The following DMRTB1 variants were observed in gnomAD, a reference collection of about 807,000 sequenced individuals.
DMRTB1 encodes the protein DMRT like family B with proline rich C-terminal 1.
A neutral mutation model predicts 25.2 loss-of-function variants in DMRTB1; 9 were observed. The observed-to-expected ratio is 0.36, with a 90% CI of 0.22 to 0.62. The LOEUF is 0.62. DMRTB1 is among the 20% of genes least tolerant of loss of function. DMRTB1 has a pLI of 0.71. For missense variants in DMRTB1, 551 were observed against 499.3 expected (o/e 1.10, Z -0.99); for synonymous variants, 269 against 238.1 (o/e 1.13, Z -1.20).
rs1644039641 is a variant in DMRTB1 at position 53,464,547 on chromosome 1, C to T, written c.751-90C>T. ...GGCCGTGCATCTACCCCATCAGGAGCCCCCCACTTCAGGGGTGAGAGCTAT... is the reference window on the plus strand; with the variant it reads ...GGCCGTGCATCTACCCCATCAGGAGTCCCCCACTTCAGGGGTGAGAGCTAT... On this transcript the variant is annotated intron_variant, in intron 2 of 3. Transcript: ENST00000371445. The T allele has an allele frequency of 1.7e-5, 27 of 1,595,078 alleles. No homozygotes were observed. In the South Asian group the frequency reaches 2.5e-4, roughly 15 times the overall value.
Sources: gnomAD v4.1 joint callset for allele counts on GRCh38, gnomAD v4.1.1 for gene constraint, MANE v1.5 for transcripts, NCBI Gene and HGNC (gene_info 2026-07-23, HGNC 2026-07-21) for gene names.